Variants in ZNF567 observed in about 807,000 individuals in gnomAD.
ZNF567 encodes the protein zinc finger protein 567.
A neutral mutation model predicts 53.9 loss-of-function variants in ZNF567; 36 were observed. The observed-to-expected ratio is 0.67, with a 90% CI of 0.51 to 0.88. The LOEUF (loss-of-function observed/expected upper bound fraction) is 0.88. ZNF567 is among the 40% of genes least tolerant of loss of function. The pLI, the probability that ZNF567 is intolerant of heterozygous loss-of-function variation, is 0.00. For synonymous variants in ZNF567, 224 were observed against 260.4 expected, an observed-to-expected ratio of 0.86 and a Z score of 1.35; for missense variants, 619 against 764.7, an observed-to-expected ratio of 0.81 and a Z score of 2.25.
At chr19:36,692,873 T>A (rs949896844) in intron 2 of ZNF567, among the ~76,000 whole-genome samples, 1 of 152,172 alleles carries the variant, frequency 6.6e-6, no homozygotes, top group Non-Finnish European at 1.5e-5. Context: ...GGTGTCTGAT[T>A]CCCTGTCGTT....
At chr19:36,706,011 A>C (rs1442295223) in intron 3 of ZNF567, among the ~76,000 whole-genome samples, 2 of 152,162 alleles carry the variant, frequency 1.3e-5, no homozygotes, top group Admixed American at 1.3e-4. Flanking sequence ...TGGATAATTT[A>C]TGAAGAACAA....
At chr19:36,688,719 A>G (rs1254893826) in intron 1 of ZNF567, among the ~76,000 whole-genome samples, 4 of 150,138 alleles carry the variant, frequency 2.7e-5, no homozygotes, top group Non-Finnish European at 5.9e-5. Flanking sequence ...AGTCAGGAGA[A>G]TGGCGTGAAC....
upstream of ZNF567, among the ~76,000 whole-genome samples, chr19:36,684,228 T>G (rs759443445): frequency 1.1e-4 from 16 of 152,174 alleles, no homozygotes; most frequent in Non-Finnish European, 2.1e-4. Flanking sequence ...TAACCCTGTT[T>G]TGAATGAAAA....
the ZNF567 span, among the ~76,000 whole-genome samples, chr19:36,669,649 T>A: frequency 1.6e-4 from 25 of 152,116 alleles, no homozygotes; most frequent in African/African-American, 5.8e-4. Flanking sequence ...TCAGTGTTGG[T>A]CTCTGCACAG....
chr19:36,681,440 G>C, the ZNF567 span, among the ~76,000 whole-genome samples: 1 of 151,490 alleles, frequency 6.6e-6, no homozygotes, highest in Non-Finnish European at 1.5e-5. Context: ...GAGGAGTTTT[G>C]TTTCTTTGAG....
At chr19:36,699,697 G>A (rs1185078924) in intron 3 of ZNF567, among the ~76,000 whole-genome samples, 3 of 152,106 alleles carry the variant, frequency 2.0e-5, no homozygotes, top group East Asian at 1.9e-4. Flanking sequence ...GTGAATGGGC[G>A]TTCACTCATG....
Position 36,720,468 on chromosome 19 carries a change from A to T in ZNF567, c.1744A>T (p.Thr582Ser). ...GTCATATCTCATTCATCATCAAAGA[A>T]CTCATACGGGAGAGAAACCATATAA... ...RKSYLIHHQR[T>S]HTGEKPYKCS... is the part of the protein sequence containing the mutation. The change falls in exon 6 of 6, where the codon ACT (threonine) becomes TCT (serine). Residue 582 changes from threonine to serine, a missense_variant. Thr to Ser is a moderately conservative substitution (Grantham distance 58). Transcript: ENST00000682579. The T allele has an allele frequency of 6.2e-7, 1 of 1,613,906 alleles. No homozygotes were observed. Among genetic ancestry groups the T allele is most frequent in the Non-Finnish European group, 8.5e-7 (1 of 1,179,958 alleles).
chr19:36,693,957 G>A (rs2038750934), intron 2 of ZNF567, among the ~76,000 whole-genome samples: 1 of 152,180 alleles, frequency 6.6e-6, no homozygotes, highest in African/African-American at 2.4e-5. Context: ...ACATATAGGA[G>A]GAGCACATGA....
downstream of ZNF567, among the ~76,000 whole-genome samples, chr19:36,723,703 G>A (rs1309696070): frequency 3.3e-5 from 5 of 151,844 alleles, no homozygotes; most frequent in South Asian, 4.2e-4. Flanking sequence ...GTGTGGTGGC[G>A]CATTCCTGTA....
chr19:36,719,412 A>C lies in ZNF567; in HGVS notation c.688A>C (p.Arg230=). 1 of 1,613,798 alleles carries C rather than the reference A, an allele frequency of 6.2e-7. No individual in the cohort carries two copies. Among genetic ancestry groups the C allele is most frequent in the Non-Finnish European group, 8.5e-7 (1 of 1,179,928 alleles). The part of the protein sequence containing the change: ...LQRGGLITHS[R]PYKGENPSVY... Reference sequence around the variant, plus strand: ...AAGGGGAGGCCTGATTACACATAGTAGACCTTACAAAGGAGAAAACCCATC... The same window carrying C: ...AAGGGGAGGCCTGATTACACATAGTCGACCTTACAAAGGAGAAAACCCATC... Residue 230 remains arginine (R), a synonymous_variant, in exon 6 of 6, where the codon AGA becomes CGA. Transcript: ENST00000682579.
chr19:36,697,425 T>A (rs1055271485), intron 3 of ZNF567, among the ~76,000 whole-genome samples: 2 of 151,948 alleles, frequency 1.3e-5, no homozygotes, highest in Non-Finnish European at 2.9e-5. Context: ...GAATAATGAC[T>A]GTTTTCTTTC....
Position 36,694,853 on chromosome 19 carries a change from T to C in ZNF567, c.-15T>C. On this transcript the variant is annotated 5_prime_UTR_variant, in exon 3 of 6. Transcript: ENST00000682579. ...CCAAAGGAAGGACTGGTCATCTCTT[T>C]CATATCTCAAAACCATGGCTCAGGT... is the stretch of plus-strand genomic sequence containing the variant. 1 of 1,525,320 alleles carries C rather than the reference T, an allele frequency of 6.6e-7. No homozygotes were observed. The highest frequency in any genetic ancestry group is 8.7e-7 in the Non-Finnish European group (1 of 1,144,052). The allele number at this position is 1,525,320 out of a possible 1,614,324, so 94.5% of individuals were successfully genotyped here.
At chr19:36,681,835 C>G in the ZNF567 span, among the ~76,000 whole-genome samples, 3 of 151,740 alleles carry the variant, frequency 2.0e-5, no homozygotes, top group Admixed American at 2.0e-4. Flanking sequence ...TGTTACACAA[C>G]AGAACACCAA....
In ZNF567 at chr19:36,720,322, A is replaced by C; in HGVS notation, c.1598A>C (p.Tyr533Ser). Residue 533 changes from tyrosine (Y) to serine (S), a missense_variant, in exon 6 of 6, where the codon TAT becomes TCT. By Grantham distance (144) the Tyr-to-Ser change is moderately radical. Transcript: ENST00000682579. ...AGAATTCATACAGGGGAGAAACCCT[A>C]TGTTTGTAATGAATGTGGGAAGTCC... Reference protein sequence around the residue: ...HQRIHTGEKPYVCNECGKSFR... With the variant: ...HQRIHTGEKPSVCNECGKSFR... 1 of 1,614,168 alleles carries C rather than the reference A, an allele frequency of 6.2e-7. No homozygotes were observed. The highest frequency in any genetic ancestry group is 8.5e-7 in the Non-Finnish European group (1 of 1,180,008).
rs1841706308 is a variant in ZNF567, at chr19:36,699,715, T to C, written c.9+4839T>C. 2.0e-5 allele frequency among the ~76,000 whole-genome samples: 3 copies of C among 152,152 alleles called. No homozygotes were observed. In the South Asian group the frequency reaches 6.2e-4, roughly 32 times the overall value. Reference sequence around the variant, plus strand: ...AATGGGCGTTCACTCATGATTTGGCTCTCTGTTTGTCTGTTATTGGTGTAT... The same window carrying C: ...AATGGGCGTTCACTCATGATTTGGCCCTCTGTTTGTCTGTTATTGGTGTAT... On this transcript the variant is annotated intron_variant, in intron 3 of 5. Transcript: ENST00000682579.
chr19:36,688,192 C>A (rs191379885), intron 1 of ZNF567, among the ~76,000 whole-genome samples: 16 of 152,214 alleles, frequency 1.1e-4, no homozygotes, highest in Admixed American at 3.9e-4. Context: ...TGTAGAAGTT[C>A]TGTGAAATTG....
At chr19:36,673,167 G>A in the ZNF567 span, among the ~76,000 whole-genome samples, 1 of 152,206 alleles carries the variant, frequency 6.6e-6, no homozygotes, top group South Asian at 2.1e-4. Context: ...CTCTTCTGGG[G>A]AAGTGTTAGT....
At chr19:36,680,453 G>A in the ZNF567 span, among the ~76,000 whole-genome samples, 1 of 152,078 alleles carries the variant, frequency 6.6e-6, no homozygotes, top group Admixed American at 6.5e-5. Context: ...TCCTAACAGT[G>A]GAATGGCTGG....
intron 3 of ZNF567, 145 bp downstream of exon 3, chr19:36,695,021 C>T (rs772403416): frequency 3.4e-6 from 3 of 875,362 alleles, no homozygotes; most frequent in Non-Finnish European, 5.1e-6. Context: ...CCATATTGGT[C>T]AGATAAGACT....
Sources: gnomAD v4.1 joint callset for allele counts (sites outside exome capture counted in the v4.1 genomes callset) on GRCh38, gnomAD v4.1.1 for gene constraint, MANE v1.5 for transcripts, NCBI Gene and HGNC (gene_info 2026-07-23, HGNC 2026-07-21) for gene names.